The following XKR5 variants were observed in gnomAD, a reference collection of about 807,000 sequenced individuals.
The protein encoded by XKR5 is XK-related protein 5.
A neutral mutation model predicts 40.8 loss-of-function variants in XKR5; 46 were observed. That is an observed-to-expected ratio of 1.13 (90% confidence interval 0.89 to 1.44). XKR5 has a LOEUF of 1.44. XKR5 is among the 40% of genes most tolerant of loss of function. XKR5 has a pLI of 0.00. For synonymous variants in XKR5, 466 were observed against 356.1 expected (o/e 1.31, Z -3.48); for missense variants, 1,169 against 844.7 (o/e 1.38, Z -4.76).
chr8:6,834,279 A>C (rs1183105521), intron 1 of XKR5, among the ~76,000 whole-genome samples: 1 of 152,188 alleles, frequency 6.6e-6, no homozygotes, highest in Non-Finnish European at 1.5e-5. Flanking sequence ...TTTTAGGGAA[A>C]CTGGGAAAAC....
At chr8:6,816,686 A>C (rs1240465519) in intron 5 of XKR5, among the ~76,000 whole-genome samples, 1 of 111,042 alleles carries the variant, frequency 9.0e-6, no homozygotes, top group African/African-American at 3.5e-5. Flanking sequence ...TATTTAATTT[A>C]ATTAAAAATA....
At chr8:6,825,066 C>A (rs1804398489) in intron 3 of XKR5, 99 bp downstream of exon 3, 11 of 1,439,218 alleles carry the variant, frequency 7.6e-6, no homozygotes, top group Non-Finnish European at 8.6e-6. Flanking sequence ...TGCTCCTAAG[C>A]AGAGGAAATC....
rs1803930777 is a variant in XKR5 at position 6,815,835 on chromosome 8, T to TAG, written c.890_891insCT (p.Ala298Ter). On this transcript the variant is annotated frameshift_variant, in exon 6 of 7. Transcript: ENST00000618742. LOFTEE classifies it low-confidence loss of function (END_TRUNC). ...TCAGAAATCCAGACAGGACCCCAGC[T>TAG]ATGGTCTGCAGGCTGGTCCACGATG... The TAG allele has an allele frequency of 6.2e-7, 1 of 1,604,936 alleles. No individual in the cohort carries two copies. The highest frequency in any genetic ancestry group is 1.7e-5 in the Admixed American group (1 of 58,900).
chr8:6,811,069 A>C lies in XKR5; in HGVS notation c.*129T>G. 1 of 946,960 alleles carries C rather than the reference A, an allele frequency of 1.1e-6. No homozygotes were observed. Among genetic ancestry groups the C allele is most frequent in the East Asian group, 2.7e-5 (1 of 37,614 alleles). 58.7% of individuals were successfully genotyped at this position (946,960 alleles called of 1,614,324 possible). A position where few individuals can be genotyped will look rare whatever the true frequency, so the allele number is the denominator to read the frequency against. ...CTGTTTCTTCATTTTTCAGGGATGC[A>C]GATGGAGATTCAGAGGTGACAGTGA... On this transcript the variant is annotated 3_prime_UTR_variant, in exon 7 of 7. Coordinates refer to ENST00000618742, the MANE Select transcript of XKR5 (RefSeq NM_207411.5).
chr8:6,830,638 G>C (rs1170763443), intron 2 of XKR5, among the ~76,000 whole-genome samples: 1 of 151,608 alleles, frequency 6.6e-6, no homozygotes, highest in African/African-American at 2.4e-5. Flanking sequence ...TTTCTTTTTT[G>C]TTCTTTTAAG....
intron 2 of XKR5, among the ~76,000 whole-genome samples, chr8:6,827,971 G>C (rs1804592073): frequency 6.6e-6 from 1 of 152,118 alleles, no homozygotes; most frequent in East Asian, 1.9e-4. Context: ...AGGAGGCTGA[G>C]ATGGGAGGAT....
chr8:6,829,674 C>T (rs1333303420), intron 2 of XKR5, among the ~76,000 whole-genome samples: 1 of 152,066 alleles, frequency 6.6e-6, no homozygotes, highest in Non-Finnish European at 1.5e-5. Flanking sequence ...CGTGACCACG[C>T]CTGGCTAATT....
chr8:6,827,869 C>G (rs1039332424), intron 2 of XKR5, among the ~76,000 whole-genome samples: 15 of 152,024 alleles, frequency 9.9e-5, no homozygotes, highest in African/African-American at 3.6e-4. Flanking sequence ...AGTTTGAGAC[C>G]AGCCCTGGCA....
chr8:6,829,760 G>T (rs895955215), intron 2 of XKR5, among the ~76,000 whole-genome samples: 3 of 149,542 alleles, frequency 2.0e-5, no homozygotes, highest in Non-Finnish European at 4.4e-5. Flanking sequence ...CAAGAGATCA[G>T]CCTGCCTCCA....
At chr8:6,817,853 C>A (rs1418456468) in intron 5 of XKR5, among the ~76,000 whole-genome samples, 1 of 152,204 alleles carries the variant, frequency 6.6e-6, no homozygotes, top group Non-Finnish European at 1.5e-5. Flanking sequence ...TGACTCCTGC[C>A]TCCTGTCATA....
At chr8:6,830,287 G>C (rs551021592) in intron 2 of XKR5, among the ~76,000 whole-genome samples, 2 of 152,180 alleles carry the variant, frequency 1.3e-5, no homozygotes, top group Non-Finnish European at 2.9e-5. Context: ...TCCCCCTACA[G>C]GTCCTTTTCT....
chr8:6,825,924 G>A (rs544070191), intron 2 of XKR5, among the ~76,000 whole-genome samples: 102 of 152,292 alleles, frequency 6.7e-4, no homozygotes, highest in African/African-American at 2.4e-3. Context: ...AGCACCATGC[G>A]GAGCTTGGAG....
intron 1 of XKR5, among the ~76,000 whole-genome samples, chr8:6,833,623 C>T (rs1425564275): frequency 6.6e-6 from 1 of 152,142 alleles, no homozygotes; most frequent in Non-Finnish European, 1.5e-5. Context: ...GGATGAGGCA[C>T]CAGAATGGCT....
chr8:6,816,075 C>T (rs924975060), intron 5 of XKR5, among the ~76,000 whole-genome samples, 157 bp from the exon 6 acceptor site: 4 of 151,988 alleles, frequency 2.6e-5, no homozygotes, highest in Admixed American at 2.0e-4. Flanking sequence ...GGGCTATGTC[C>T]CACTGAGACC....
At chr8:6,822,122 G>C in intron 4 of XKR5, 84 bp from the exon 5 acceptor site, 1 of 1,392,398 alleles carries the variant, frequency 7.2e-7, no homozygotes, top group South Asian at 1.4e-5. Context: ...GGGGCTGGAA[G>C]GCTCTCCGAC....
At chr8:6,830,609 C>A (rs189274564) in intron 2 of XKR5, among the ~76,000 whole-genome samples, 2 of 152,206 alleles carry the variant, frequency 1.3e-5, no homozygotes, top group East Asian at 1.9e-4. Flanking sequence ...CGATACCTGG[C>A]CTTTCTCATT....
At chr8:6,819,873 CTCCT>C (rs71535992) in intron 5 of XKR5, among the ~76,000 whole-genome samples, 65 of 151,398 alleles carry the variant, frequency 4.3e-4, no homozygotes, top group Non-Finnish European at 6.9e-4. Context: ...CCTTCCCTCC[CTCCT>C]TCCTTCCTTC....
At chr8:6,819,114 G>C (rs1438631195) in intron 5 of XKR5, among the ~76,000 whole-genome samples, 1 of 152,232 alleles carries the variant, frequency 6.6e-6, no homozygotes, top group Non-Finnish European at 1.5e-5. Context: ...ACTCTCCAGT[G>C]GCCCAGGAAT....
intron 2 of XKR5, among the ~76,000 whole-genome samples, chr8:6,826,917 C>T (rs567210432): frequency 6.6e-6 from 1 of 152,288 alleles, no homozygotes; most frequent in East Asian, 1.9e-4. Flanking sequence ...GCTCACCCAG[C>T]CTGGGTGGTC....
Sources: allele counts gnomAD v4.1 joint callset (sites outside exome capture counted in the v4.1 genomes callset), GRCh38; gene constraint gnomAD v4.1.1; transcripts MANE v1.5; gene names NCBI Gene and HGNC (gene_info 2026-07-23, HGNC 2026-07-21).